Variants in STT3B observed in about 807,000 individuals in gnomAD.
The protein encoded by STT3B is STT3 oligosaccharyltransferase complex catalytic subunit B, also known as dolichyl-diphosphooligosaccharide--protein glycosyltransferase subunit STT3B.
STT3B carries 29 observed loss-of-function variants against 96.8 expected under a neutral mutation model. That is an observed-to-expected ratio of 0.30 (90% CI 0.22 to 0.41). The LOEUF (loss-of-function observed/expected upper bound fraction) is 0.41. Among genes scored for constraint, STT3B ranks in the 10% least tolerant of loss-of-function variants. The probability of loss-of-function intolerance (pLI) is 1.00; values close to 1 mark genes in which losing one functional copy is unlikely to be tolerated. For missense variants in STT3B, 640 were observed against 1,022.3 expected, an observed-to-expected ratio of 0.63 and a Z score of 5.10; for synonymous variants, 367 against 360.0, an observed-to-expected ratio of 1.02 and a Z score of -0.22.
chr3:31,632,176 TCTC>T (rs369135568), intron 14 of STT3B, among the ~76,000 whole-genome samples: 65 of 152,262 alleles, frequency 4.3e-4, no homozygotes, highest in African/African-American at 1.5e-3. Flanking sequence ...TTTCTTAAAG[TCTC>T]CTTCTCTCCC....
intron 12 of STT3B, among the ~76,000 whole-genome samples, chr3:31,625,524 T>A (rs977714065): frequency 6.6e-6 from 1 of 152,250 alleles, no homozygotes; most frequent in Non-Finnish European, 1.5e-5. Context: ...GATTTTTAAA[T>A]ACAAAGAGTA....
chr3:31,586,358 C>T (rs759860213), intron 3 of STT3B, among the ~76,000 whole-genome samples: 1 of 152,008 alleles, frequency 6.6e-6, no homozygotes, highest in African/African-American at 2.4e-5. Flanking sequence ...GCTCTACAAA[C>T]ATTTTCTCTA....
At chr3:31,603,879 C>G (rs1020721781) in intron 5 of STT3B, among the ~76,000 whole-genome samples, 12 of 152,142 alleles carry the variant, frequency 7.9e-5, no homozygotes, top group African/African-American at 2.9e-4. Flanking sequence ...TAAAAGCAGA[C>G]AGTAAGGATT....
chr3:31,588,854 A>G (rs1357917583), intron 3 of STT3B, among the ~76,000 whole-genome samples: 4 of 151,858 alleles, frequency 2.6e-5, no homozygotes, highest in Non-Finnish European at 2.9e-5. Context: ...TGTTCTGCTG[A>G]TCTGTTTGTT....
At chr3:31,624,811 C>A in intron 11 of STT3B, 103 bp from the exon 12 acceptor site, 1 of 864,622 alleles carries the variant, frequency 1.2e-6, no homozygotes, top group Non-Finnish European at 1.8e-6. Flanking sequence ...AACTACCATC[C>A]TTAAAATCTG....
intron 3 of STT3B, among the ~76,000 whole-genome samples, chr3:31,592,547 C>T (rs1698690068): frequency 6.6e-6 from 1 of 152,000 alleles, no homozygotes; most frequent in Admixed American, 6.6e-5. Flanking sequence ...TTTACATTCC[C>T]ACCGACACTG....
chr3:31,576,576 G>A, intron 2 of STT3B, 72 bp downstream of exon 2: 1 of 894,484 alleles, frequency 1.1e-6, no homozygotes. Context: ...TAATTGCCAA[G>A]GTGGTAGGGA....
At chr3:31,592,146 A>T (rs1698679750) in intron 3 of STT3B, among the ~76,000 whole-genome samples, 1 of 152,104 alleles carries the variant, frequency 6.6e-6, no homozygotes, top group African/African-American at 2.4e-5. Flanking sequence ...CGCCCCTGGC[A>T]CCACCATTCA....
intron 6 of STT3B, among the ~76,000 whole-genome samples, chr3:31,616,677 G>A (rs1699313200): frequency 6.6e-6 from 1 of 151,378 alleles, no homozygotes; most frequent in South Asian, 2.1e-4. Flanking sequence ...ATTCAAATGG[G>A]ATTTTTTTTC....
At chr3:31,537,824 A>G (rs1034481245) in intron 1 of STT3B, among the ~76,000 whole-genome samples, 40 of 152,144 alleles carry the variant, frequency 2.6e-4, no homozygotes, top group Admixed American at 2.4e-3. Flanking sequence ...TATACTCTCT[A>G]TAAGTTTTGA....
chr3:31,600,141 G>A (rs537421367), intron 4 of STT3B, among the ~76,000 whole-genome samples: 18 of 152,096 alleles, frequency 1.2e-4, no homozygotes, highest in Admixed American at 5.9e-4. Context: ...TCTCCAGTGC[G>A]TTTGGAAAAG....
chr3:31,614,340 TTCTCTC>T (rs980531245), intron 5 of STT3B, among the ~76,000 whole-genome samples: 2 of 151,996 alleles, frequency 1.3e-5, no homozygotes, highest in African/African-American at 2.4e-5. Context: ...TTCAAATACT[TTCTCTC>T]TAATCAATTG....
Position 31,618,004 on chromosome 3 carries a change from T to C in STT3B, c.1172+16T>C, listed in dbSNP as rs779058162. The C allele has an allele frequency of 2.5e-5, 38 of 1,535,790 alleles. No homozygotes were observed. The highest frequency in any genetic ancestry group is 3.4e-5 in the Non-Finnish European group (38 of 1,109,906). On this transcript the variant is annotated intron_variant, in intron 8 of 15. Coordinates refer to ENST00000295770, the MANE Select transcript of STT3B (RefSeq NM_178862.3). ...GGGATACTGGGTAAGTACAGTTACA[T>C]TATTTGGCATCATATTTATTGAAAT...
At position 31,600,348 on chromosome 3, in the gene STT3B, C is replaced by T. The variant is rs1245302845; in HGVS notation, c.778-12C>T. 5.4e-6 allele frequency: 7 copies of T among 1,304,946 alleles called. No homozygotes were observed. The highest frequency in any genetic ancestry group is 7.6e-6 in the Non-Finnish European group (7 of 923,592). 80.8% of individuals were successfully genotyped at this position (1,304,946 alleles called of 1,614,324 possible). On this transcript the variant is annotated splice_polypyrimidine_tract_variant and intron_variant, in intron 4 of 15. Transcript: ENST00000295770. The stretch of plus-strand genomic sequence containing the variant: ...AAAATATATATTTAACTTAGCACTT[C>T]TTTTCCTATAGGTCTCTGCTTGGGG...
intron 1 of STT3B, among the ~76,000 whole-genome samples, chr3:31,557,641 T>C (rs1204857169): frequency 6.6e-6 from 1 of 152,166 alleles, no homozygotes; most frequent in Non-Finnish European, 1.5e-5. Flanking sequence ...ATTTGTTTAT[T>C]TATTTTTTTG....
At chr3:31,559,146 GGTGTGTGTGTGTGTGTGTGT>G (rs55707310) in intron 1 of STT3B, among the ~76,000 whole-genome samples, 9 of 116,532 alleles carry the variant, frequency 7.7e-5, no homozygotes, top group Non-Finnish European at 3.5e-5. Flanking sequence ...TGATTCTTGG[GGTGTGTGTGTGTGTGTGTGT>G]GTGTGTGTGT....
At chr3:31,559,008 T>C (rs1296172371) in intron 1 of STT3B, among the ~76,000 whole-genome samples, 1 of 151,686 alleles carries the variant, frequency 6.6e-6, no homozygotes, top group African/African-American at 2.4e-5. Context: ...TAATTTGTAG[T>C]GTCTTTGTTT....
chr3:31,557,676 A>T (rs1697753448), intron 1 of STT3B, among the ~76,000 whole-genome samples: 3 of 152,088 alleles, frequency 2.0e-5, no homozygotes. Context: ...TCTGTTGCCC[A>T]GGCTGGAGTG....
Position 31,576,479 on chromosome 3 carries a change from C to A in STT3B, c.398C>A (p.Pro133Gln). The change falls in exon 2 of 16, where the codon CCA becomes CAA. Residue 133 changes from proline to glutamine, a missense_variant. By Grantham distance (76) the Pro-to-Gln change is moderately conservative. Coordinates refer to ENST00000295770, the MANE Select transcript of STT3B (RefSeq NM_178862.3). The part of the protein sequence containing the change: ...LNWFDERAWY[P>Q]LGRIVGGTVY... ...TGGTTTGATGAAAGAGCATGGTATC[C>A]ACTAGGAAGAATAGTAGGTGGTACT... 6.3e-7 allele frequency: 1 copy of A among 1,591,382 alleles called. No homozygotes were observed. The highest frequency in any genetic ancestry group is 2.3e-5 in the East Asian group (1 of 44,188).
Sources: allele counts gnomAD v4.1 joint callset (sites outside exome capture counted in the v4.1 genomes callset), GRCh38; gene constraint gnomAD v4.1.1; transcripts MANE v1.5; gene names NCBI Gene and HGNC (gene_info 2026-07-23, HGNC 2026-07-21).